Variants in TNRC6A observed in about 807,000 individuals in gnomAD.
TNRC6A encodes trinucleotide repeat containing adaptor 6A.
Under a neutral mutation model 221.2 loss-of-function variants are expected in TNRC6A, and 44 were observed. The observed-to-expected ratio is 0.20, with a 90% CI of 0.16 to 0.26. The LOEUF (loss-of-function observed/expected upper bound fraction) is 0.26, where lower values mean the gene tolerates loss of function less well. TNRC6A is among the 10% of genes least tolerant of loss of function. TNRC6A has a pLI of 1.00. For missense variants in TNRC6A, 2,199 were observed against 2,404.4 expected (o/e 0.91, Z 1.79); for synonymous variants, 847 against 838.5 (o/e 1.01, Z -0.18).
intron 1 of TNRC6A, among the ~76,000 whole-genome samples, chr16:24,640,435 G>A (rs1431703364): frequency 6.7e-6 from 1 of 150,104 alleles, no homozygotes; most frequent in Non-Finnish European, 1.5e-5. Context: ...GGAAGAAAAA[G>A]AAGGGCATGA....
chr16:24,769,230 C>A (rs2057539014), intron 4 of TNRC6A, among the ~76,000 whole-genome samples: 1 of 151,754 alleles, frequency 6.6e-6, no homozygotes, highest in Non-Finnish European at 1.5e-5. Flanking sequence ...ATCAAGAAAG[C>A]TTGTAGAATA....
chr16:24,724,182 A>C (rs1198002041), intron 2 of TNRC6A, among the ~76,000 whole-genome samples: 1 of 152,208 alleles, frequency 6.6e-6, no homozygotes, highest in Admixed American at 6.5e-5. Context: ...TATAGGATAT[A>C]ATATGGTTAA....
At chr16:24,766,763 A>G (rs1328755336) in intron 4 of TNRC6A, among the ~76,000 whole-genome samples, 1 of 134,634 alleles carries the variant, frequency 7.4e-6, no homozygotes, top group African/African-American at 2.9e-5. Flanking sequence ...TGCAACCTCC[A>G]CCTCCCAGGT....
At chr16:24,742,223 A>G (rs577398853) in intron 2 of TNRC6A, among the ~76,000 whole-genome samples, 1 of 152,348 alleles carries the variant, frequency 6.6e-6, no homozygotes, top group East Asian at 1.9e-4. Context: ...AGGGAGGTAC[A>G]GTTTGAGACG....
chr16:24,758,891 C>T lies in TNRC6A; in HGVS notation c.163+531C>T, dbSNP rs112458170. Among the ~76,000 whole-genome samples, 17 of 152,034 alleles carry T rather than the reference C, an allele frequency of 1.1e-4. 1 individual carries two copies. Among genetic ancestry groups the T allele is most frequent in the African/African-American group, 3.6e-4 (15 of 41,478 alleles). On this transcript the variant is annotated intron_variant, in intron 4 of 24. Coordinates refer to ENST00000395799, the MANE Select transcript of TNRC6A (RefSeq NM_014494.4). ...CCATTAGACCCCAAGCAAAAGACATCGGAGTGATAAGGAAACAGGACACTA... is the reference window on the plus strand; with the variant it reads ...CCATTAGACCCCAAGCAAAAGACATTGGAGTGATAAGGAAACAGGACACTA...
chr16:24,693,295 A>T (rs183132490), intron 2 of TNRC6A, among the ~76,000 whole-genome samples: 244 of 152,148 alleles, frequency 1.6e-3, no homozygotes, highest in African/African-American at 5.6e-3. Context: ...CTACAAAAAA[A>T]AAAAAATTAG....
At chr16:24,624,198 G>C (rs1900837848) in intron 1 of TNRC6A, among the ~76,000 whole-genome samples, 2 of 152,272 alleles carry the variant, frequency 1.3e-5, no homozygotes, top group African/African-American at 4.8e-5. Flanking sequence ...TTACCACACA[G>C]ACAGAGGAGC....
intron 2 of TNRC6A, among the ~76,000 whole-genome samples, chr16:24,699,491 G>A: frequency 6.6e-6 from 1 of 152,152 alleles, no homozygotes; most frequent in East Asian, 1.9e-4. Context: ...GCCAAGGCGG[G>A]AGAATTGCTT....
intron 4 of TNRC6A, 149 bp downstream of exon 4, chr16:24,758,509 C>T (rs2057299020): frequency 1.3e-6 from 1 of 792,748 alleles, no homozygotes; most frequent in African/African-American, 1.8e-5. Flanking sequence ...CTGGGGTCGT[C>T]CTTTGGAATT....
At chr16:24,784,974 G>A (rs116804121) in intron 5 of TNRC6A, among the ~76,000 whole-genome samples, 91 of 152,200 alleles carry the variant, frequency 6.0e-4, no homozygotes, top group Middle Eastern at 3.4e-3. Context: ...TCATGATTTC[G>A]TCTTTTACTT....
intron 5 of TNRC6A, among the ~76,000 whole-genome samples, chr16:24,779,912 G>GAC (rs2057803605): frequency 6.6e-6 from 1 of 152,118 alleles, no homozygotes; most frequent in Non-Finnish European, 1.5e-5. Flanking sequence ...CAACTCTGCA[G>GAC]ACCAGCCCTG....
intron 10 of TNRC6A, 149 bp from the exon 11 acceptor site, chr16:24,797,766 A>C: frequency 1.1e-6 from 1 of 886,976 alleles, no homozygotes; most frequent in Non-Finnish European, 1.6e-6. Flanking sequence ...ATTTTAAAAC[A>C]TTTTAAAAAT....
intron 18 of TNRC6A, among the ~76,000 whole-genome samples, chr16:24,814,455 C>T (rs749238286): frequency 4.1e-5 from 5 of 121,492 alleles, no homozygotes; most frequent in Non-Finnish European, 7.8e-5. Context: ...TCTTCCCAGG[C>T]TAGAGTGCAG....
At chr16:24,719,068 A>T (rs2056366082) in intron 2 of TNRC6A, among the ~76,000 whole-genome samples, 1 of 151,902 alleles carries the variant, frequency 6.6e-6, no homozygotes. Context: ...AAAAGGAAAA[A>T]AAGAGATAAG....
Position 24,722,430 on chromosome 16 carries a change from C to CTTAT in TNRC6A, n.403-28277_403-28274dup, listed in dbSNP as rs1194435881. ...CCCCAACTATTTATTTATTTATTTA[C>CTTAT]TTATTTATTTATTTATTTATTTTGA... On this transcript the variant is annotated intron_variant and non_coding_transcript_variant, in intron 2 of 2. Transcript: ENST00000566108. Among the ~76,000 whole-genome samples the CTTAT allele has an allele frequency of 9.9e-3, 246 of 24,916 alleles. 1 individual carries two copies. Among genetic ancestry groups the CTTAT allele is most frequent in the African/African-American group, 0.031 (226 of 7,214 alleles). The allele number at this position is 24,916 out of a possible 152,430, so 16.3% of individuals were successfully genotyped here. A position where few individuals can be genotyped will look rare whatever the true frequency, so the allele number is the denominator to read the frequency against.
In TNRC6A at chr16:24,789,768, A is replaced by G. The variant is rs757637321; in HGVS notation, c.1126A>G (p.Asn376Asp). The stretch of plus-strand genomic sequence containing the variant: ...TGGTGCCTGGCCAGTATTAGAGAAC[A>G]ATGGACTTGCCCTAAAAGGGCCTGT... ...NHGAWPVLEN[N>D]GLALKGPVGS... The change falls in exon 6 of 25, where the codon AAT (asparagine) becomes GAT (aspartate). Residue 376 changes from asparagine to aspartate, a missense_variant. By Grantham distance (23) the Asn-to-Asp change is conservative. Coordinates refer to ENST00000395799, the MANE Select transcript of TNRC6A (RefSeq NM_014494.4). The G allele has an allele frequency of 2.5e-6, 4 of 1,614,166 alleles. No homozygotes were observed. Among genetic ancestry groups the G allele is most frequent in the Non-Finnish European group, 3.4e-6 (4 of 1,180,014 alleles).
At chr16:24,787,456 G>A (rs563592223) in intron 5 of TNRC6A, among the ~76,000 whole-genome samples, 11 of 152,280 alleles carry the variant, frequency 7.2e-5, no homozygotes, top group South Asian at 6.2e-4. Context: ...ATAAAAGTGC[G>A]CACAAAGTTG....
intron 18 of TNRC6A, among the ~76,000 whole-genome samples, chr16:24,811,988 C>T (rs576944874): frequency 1.7e-5 from 2 of 120,092 alleles, no homozygotes; most frequent in Non-Finnish European, 3.3e-5. Context: ...ATTCTAAGTT[C>T]GTTTGCCGTT....
intron 17 of TNRC6A, 48 bp from the exon 18 acceptor site, chr16:24,809,302 A>G (rs1197062759): frequency 3.2e-5 from 46 of 1,439,586 alleles, no homozygotes; most frequent in Non-Finnish European, 4.2e-5. Context: ...ACTAGAAAGA[A>G]AATGTGCTGT....
Sources: gnomAD v4.1 joint callset for allele counts (sites outside exome capture counted in the v4.1 genomes callset) on GRCh38, gnomAD v4.1.1 for gene constraint, MANE v1.5 for transcripts, NCBI Gene and HGNC (gene_info 2026-07-23, HGNC 2026-07-21) for gene names.